DLG2: variants seen among roughly 807,000 people sequenced by gnomAD.
The protein encoded by DLG2 is discs large MAGUK scaffold protein 2.
DLG2 carries 45 observed loss-of-function variants against 132.5 expected under a neutral mutation model. That is an observed-to-expected ratio of 0.34 (90% CI 0.27 to 0.44). The LOEUF (loss-of-function observed/expected upper bound fraction) is 0.44, where lower values mean the gene tolerates loss of function less well. Among genes scored for constraint, DLG2 ranks in the 20% least tolerant of loss-of-function variants. DLG2 has a pLI of 1.00. For missense variants in DLG2, 1,045 were observed against 1,196.9 expected, an observed-to-expected ratio of 0.87 and a Z score of 1.87; for synonymous variants, 424 against 419.6, an observed-to-expected ratio of 1.01 and a Z score of -0.13.
At chr11:84,111,373 C>A (rs2093341878) in intron 9 of DLG2, among the ~76,000 whole-genome samples, 1 of 152,142 alleles carries the variant, frequency 6.6e-6, no homozygotes, top group African/African-American at 2.4e-5. Flanking sequence ...TTCCGTAAAA[C>A]TTCATTCATA....
At chr11:84,448,496 C>G (rs1344839750) in intron 7 of DLG2, among the ~76,000 whole-genome samples, 1 of 151,962 alleles carries the variant, frequency 6.6e-6, no homozygotes, top group East Asian at 1.9e-4. Context: ...TTTTCTGTTT[C>G]CCCAATGTGC....
intron 14 of DLG2, among the ~76,000 whole-genome samples, chr11:83,931,511 T>C (rs566707132): frequency 6.6e-6 from 1 of 152,332 alleles, no homozygotes; most frequent in South Asian, 2.1e-4. Flanking sequence ...AGTAGCACCA[T>C]ATTCTGAGTC....
chr11:83,989,810 G>A (rs537707085), intron 11 of DLG2, among the ~76,000 whole-genome samples: 6 of 152,246 alleles, frequency 3.9e-5, no homozygotes, highest in East Asian at 1.9e-4. Flanking sequence ...AATACAATGA[G>A]TTCCTGACTC....
At chr11:84,034,218 C>G (rs2095798411) in intron 11 of DLG2, among the ~76,000 whole-genome samples, 1 of 152,176 alleles carries the variant, frequency 6.6e-6, no homozygotes, top group African/African-American at 2.4e-5. Context: ...GAGGCAATAT[C>G]TTCTGCCAGA....
At chr11:84,447,704 C>G (rs973560578) in intron 7 of DLG2, among the ~76,000 whole-genome samples, 1 of 151,782 alleles carries the variant, frequency 6.6e-6, no homozygotes, top group Non-Finnish European at 1.5e-5. Flanking sequence ...CTTTCCAGAG[C>G]CTCAAAAGAA....
intron 15 of DLG2, among the ~76,000 whole-genome samples, chr11:83,923,167 T>A (rs943053764): frequency 6.6e-6 from 1 of 152,158 alleles, no homozygotes; most frequent in Non-Finnish European, 1.5e-5. Flanking sequence ...ATTTTCTACC[T>A]GATTTGTGAT....
At chr11:85,199,168 T>C (rs1448614470) in intron 4 of DLG2, among the ~76,000 whole-genome samples, 3 of 152,280 alleles carry the variant, frequency 2.0e-5, no homozygotes, top group Admixed American at 6.5e-5. Flanking sequence ...AACTCTTCAA[T>C]AGATCAAGTT....
intron 7 of DLG2, among the ~76,000 whole-genome samples, chr11:84,410,799 C>T (rs1210439159): frequency 2.0e-5 from 3 of 151,928 alleles, no homozygotes; most frequent in Admixed American, 2.0e-4. Context: ...AGCCTGGTCT[C>T]GATCTGCTGA....
intron 12 of DLG2, among the ~76,000 whole-genome samples, chr11:83,971,617 A>T (rs2091357620): frequency 6.6e-6 from 1 of 152,156 alleles, no homozygotes; most frequent in Non-Finnish European, 1.5e-5. Flanking sequence ...CTGGGAGGTG[A>T]TTACAGACAT....
chr11:83,531,847 A>G (rs2095753469), intron 21 of DLG2, among the ~76,000 whole-genome samples: 1 of 151,570 alleles, frequency 6.6e-6, no homozygotes, highest in Non-Finnish European at 1.5e-5. Flanking sequence ...ACATTCTACA[A>G]CACAAACACG....
intron 6 of DLG2, among the ~76,000 whole-genome samples, chr11:84,995,924 C>T (rs1322067951): frequency 6.6e-6 from 1 of 152,110 alleles, no homozygotes; most frequent in Non-Finnish European, 1.5e-5. Context: ...GTGGCTTGCA[C>T]ATGACAGGAA....
chr11:85,579,821 G>A (rs1048687538), intron 3 of DLG2, among the ~76,000 whole-genome samples: 1 of 152,052 alleles, frequency 6.6e-6, no homozygotes, highest in Non-Finnish European at 1.5e-5. Context: ...CAAAGTGCTG[G>A]GATTACAGGC....
chr11:83,877,544 T>G (rs2065076985), intron 15 of DLG2, among the ~76,000 whole-genome samples: 2 of 152,176 alleles, frequency 1.3e-5, no homozygotes, highest in Non-Finnish European at 2.9e-5. Context: ...TTCTACTCTA[T>G]TCCAATAATA....
intron 18 of DLG2, among the ~76,000 whole-genome samples, chr11:83,657,534 C>CTTTTTTTTTTTTT (rs540422330): frequency 1.1e-5 from 1 of 93,398 alleles, no homozygotes; most frequent in Non-Finnish European, 2.0e-5. Context: ...ATTGTCTATT[C>CTTTTTTTTTTTTT]TTTTTTTTTT....
intron 7 of DLG2, among the ~76,000 whole-genome samples, chr11:84,331,018 T>C (rs1052964650): frequency 1.2e-4 from 19 of 152,346 alleles, no homozygotes; most frequent in African/African-American, 4.6e-4. Flanking sequence ...AGAGGTCTGA[T>C]GGAAATGGTT....
At chr11:84,669,994 G>A (rs2099703978) in intron 6 of DLG2, among the ~76,000 whole-genome samples, 1 of 152,168 alleles carries the variant, frequency 6.6e-6, no homozygotes, top group South Asian at 2.1e-4. Context: ...ACCTGTTGTA[G>A]AAAGAACCAG....
At chr11:84,614,951 A>G (rs1445159440) in intron 6 of DLG2, among the ~76,000 whole-genome samples, 1 of 152,130 alleles carries the variant, frequency 6.6e-6, no homozygotes, top group African/African-American at 2.4e-5. Flanking sequence ...TTCATTTTTC[A>G]TGAATTAATC....
intron 18 of DLG2, among the ~76,000 whole-genome samples, chr11:83,678,033 C>G (rs2078076990): frequency 6.6e-6 from 1 of 152,132 alleles, no homozygotes; most frequent in Non-Finnish European, 1.5e-5. Flanking sequence ...GAAAATACAC[C>G]TGAAATTAGC....
intron 7 of DLG2, among the ~76,000 whole-genome samples, chr11:84,382,050 T>C (rs2098750631): frequency 6.6e-6 from 1 of 152,164 alleles, no homozygotes; most frequent in Non-Finnish European, 1.5e-5. Context: ...AAAATGAATG[T>C]TGGGCAGACA....
Sources: gnomAD v4.1 joint callset for allele counts (sites outside exome capture counted in the v4.1 genomes callset) on GRCh38, gnomAD v4.1.1 for gene constraint, MANE v1.5 for transcripts, NCBI Gene and HGNC (gene_info 2026-07-23, HGNC 2026-07-21) for gene names.